Variants in ANKRD35 observed in about 807,000 individuals in gnomAD.
ANKRD35 encodes the protein ankyrin repeat domain-containing protein 35.
In ANKRD35, 102 loss-of-function variants were observed where a neutral mutation model predicts 109.9. The observed-to-expected ratio is 0.93, with a 90% CI of 0.79 to 1.09. The LOEUF is 1.09. ANKRD35 is among the 50% of genes least tolerant of loss of function. The pLI is 0.00. For synonymous variants in ANKRD35, 515 were observed against 512.4 expected, an observed-to-expected ratio of 1.01 and a Z score of -0.07; for missense variants, 1,240 against 1,230.1, an observed-to-expected ratio of 1.01 and a Z score of -0.12.
rs781878029 is a variant in ANKRD35 at position 145,872,158 on chromosome 1, G to A, written c.2611C>T (p.Arg871Trp). 1.2e-6 allele frequency: 2 copies of A among 1,608,780 alleles called. No homozygotes were observed. The highest frequency in any genetic ancestry group is 2.2e-5 in the East Asian group (1 of 44,790). The part of the protein sequence containing the change: ...NTACREVGRL[R>W]EAVAEERRRS... Reference sequence around the variant, plus strand: ...CGGCGCTCCTCGGCCACCGCCTCCCGCAGCCGACCCACTTCCCGGCAGGCC... The same window carrying A: ...CGGCGCTCCTCGGCCACCGCCTCCCACAGCCGACCCACTTCCCGGCAGGCC... The change falls in exon 10 of 14, where the codon CGG (arginine) becomes TGG (tryptophan). Residue 871 changes from arginine to tryptophan, a missense_variant. Physicochemically the swap from Arg to Trp is moderately radical, Grantham distance 101. Transcript: ENST00000355594.
chr1:145,883,802 G>C (rs587747765), intron 1 of ANKRD35, among the ~76,000 whole-genome samples: 1 of 152,356 alleles, frequency 6.6e-6, no homozygotes, highest in Admixed American at 6.5e-5. Context: ...GAAATTTCAT[G>C]AGGAACCAAT....
chr1:145,872,427 G>A lies in ANKRD35; in HGVS notation c.2342C>T (p.Ala781Val). The A allele has an allele frequency of 1.9e-6, 3 of 1,612,586 alleles. No individual in the cohort carries two copies. The highest frequency in any genetic ancestry group is 2.5e-6 in the Non-Finnish European group (3 of 1,179,682). ...CAGCTTCCCCAGGTCTTGCTCCAGAGCGGCCACTTGGGGGGATGCTGGGGC... is the reference window on the plus strand; with the variant it reads ...CAGCTTCCCCAGGTCTTGCTCCAGAACGGCCACTTGGGGGGATGCTGGGGC... The part of the protein sequence containing the change: ...LKAPASPQVA[A>V]LEQDLGKLEE... The change falls in exon 10 of 14, where the codon GCT becomes GTT. Residue 781 changes from alanine to valine, a missense_variant. Transcript: ENST00000355594.
At chr1:145,875,096 A>C in intron 7 of ANKRD35, 90 bp from the exon 8 acceptor site, 745 of 1,310,576 alleles carry the variant, frequency 5.7e-4, no homozygotes, top group Non-Finnish European at 7.2e-4. Context: ...GTAAGCTCTC[A>C]TTCAGTGGGG....
rs1553739014 is a variant in ANKRD35, at chr1:145,872,618, A to G, written c.2151T>C (p.Ser717=). Residue 717 remains serine (S), a synonymous_variant, in exon 10 of 14, where the codon AGT becomes AGC. Transcript: ENST00000355594. The part of the protein sequence containing the change: ...CLPADLVGER[S]AQSKAAESLE... ...GGGACTCCGCTGCTTTGCTTTGTGC[A>G]CTCCTCTCGCCCACTAGGTCTGCGG... 2 of 1,613,418 alleles carry G rather than the reference A, an allele frequency of 1.2e-6. No homozygotes were observed. Among genetic ancestry groups the G allele is most frequent in the Non-Finnish European group, 1.7e-6 (2 of 1,179,810 alleles).
intron 1 of ANKRD35, among the ~76,000 whole-genome samples, chr1:145,885,344 C>T (rs1335457839): frequency 3.3e-5 from 5 of 151,842 alleles, no homozygotes; most frequent in African/African-American, 1.2e-4. Context: ...TAGAATGGAG[C>T]TTGAGGCCAG....
chr1:145,881,650 C>A (rs782126828), intron 1 of ANKRD35, among the ~76,000 whole-genome samples: 5 of 152,262 alleles, frequency 3.3e-5, no homozygotes, highest in Non-Finnish European at 5.9e-5. Context: ...CTGCAGTTCT[C>A]GAAATGTTTC....
At chr1:145,867,831 C>T (rs767570445) in intron 12 of ANKRD35, among the ~76,000 whole-genome samples, 160 bp downstream of exon 12, 5 of 152,138 alleles carry the variant, frequency 3.3e-5, no homozygotes, top group African/African-American at 9.7e-5. Flanking sequence ...CACAACCTCT[C>T]TTGATCTACC....
At chr1:145,877,420 G>C (rs975617426) in intron 4 of ANKRD35, among the ~76,000 whole-genome samples, 1 of 152,046 alleles carries the variant, frequency 6.6e-6, no homozygotes, top group Non-Finnish European at 1.5e-5. Flanking sequence ...TTTTATTAGA[G>C]ATGGGGTTTC....
intron 1 of ANKRD35, among the ~76,000 whole-genome samples, chr1:145,882,690 T>C (rs904542875): frequency 1.3e-5 from 2 of 152,120 alleles, no homozygotes; most frequent in South Asian, 4.1e-4. Flanking sequence ...GGTAGAAACT[T>C]TTCATGGCCA....
At chr1:145,870,067 T>C (rs1553738330) in intron 10 of ANKRD35, among the ~76,000 whole-genome samples, 1 of 151,370 alleles carries the variant, frequency 6.6e-6, no homozygotes, top group East Asian at 2.0e-4. Flanking sequence ...TACTGAGTAC[T>C]TACCATGGGC....
intron 1 of ANKRD35, among the ~76,000 whole-genome samples, chr1:145,879,809 A>G (rs587640185): frequency 6.6e-6 from 1 of 152,076 alleles, no homozygotes; most frequent in Non-Finnish European, 1.5e-5. Context: ...GTTGCCTCTC[A>G]CCACCGCCTC....
At chr1:145,868,436 C>T (rs782383468) in intron 10 of ANKRD35, 36 bp from the exon 11 acceptor site, 1 of 1,589,342 alleles carries the variant, frequency 6.3e-7, no homozygotes, top group Non-Finnish European at 8.6e-7. Flanking sequence ...CAATGAGGCT[C>T]CAAGTCATTT....
chr1:145,875,928 C>T (rs2101711023), intron 7 of ANKRD35, among the ~76,000 whole-genome samples: 1 of 152,262 alleles, frequency 6.6e-6, no homozygotes, highest in South Asian at 2.1e-4. Context: ...GTCGATTCTA[C>T]TTCTGGGGTC....
At position 145,874,180 on chromosome 1, in the gene ANKRD35, A is replaced by G. The variant is rs782671021; in HGVS notation, c.758T>C (p.Val253Ala). ...CTGGGATGCGAGATCTGGGTGCTGG[A>G]CTAGCCTCTGACCTATAAGAAAAGA... is the stretch of plus-strand genomic sequence containing the variant. ...SRRRRGGQRLVQHPDLASQAS... is the reference protein window; with the variant it reads ...SRRRRGGQRLAQHPDLASQAS... The change falls in exon 9 of 14, where the codon GTC becomes GCC. Residue 253 changes from valine (V) to alanine (A), a missense_variant. Physicochemically the swap from Val to Ala is moderately conservative, Grantham distance 64. Coordinates refer to ENST00000355594, the MANE Select transcript of ANKRD35 (RefSeq NM_144698.5). 1.9e-6 allele frequency: 3 copies of G among 1,614,056 alleles called. No individual in the cohort carries two copies. In the South Asian group the frequency reaches 3.3e-5, roughly 18 times the overall value.
At chr1:145,869,152 A>G (rs1308326497) in intron 10 of ANKRD35, among the ~76,000 whole-genome samples, 4 of 149,840 alleles carry the variant, frequency 2.7e-5, no homozygotes, top group African/African-American at 9.9e-5. Context: ...GAGGAACAAT[A>G]CTTCTCTGAA....
At chr1:145,874,791 G>C (rs1553739715) in intron 8 of ANKRD35, 31 bp downstream of exon 8, 3 of 1,529,300 alleles carry the variant, frequency 2.0e-6, no homozygotes, top group Non-Finnish European at 2.6e-6. Flanking sequence ...CTGATTCTTA[G>C]AGAACGTGGA....
At chr1:145,875,798 TTG>T (rs1654048493) in intron 7 of ANKRD35, among the ~76,000 whole-genome samples, 2 of 151,710 alleles carry the variant, frequency 1.3e-5, no homozygotes, top group African/African-American at 2.4e-5. Flanking sequence ...TCCACCCGCC[TTG>T]GCCTCCCAAA....
At chr1:145,878,083 A>T in intron 3 of ANKRD35, 51 bp from the exon 4 acceptor site, 1 of 1,526,792 alleles carries the variant, frequency 6.5e-7, no homozygotes, top group African/African-American at 1.4e-5. Context: ...ATGCATGCTG[A>T]TGACTCACAG....
At chr1:145,870,601 A>G (rs1653772399) in intron 10 of ANKRD35, among the ~76,000 whole-genome samples, 1 of 152,152 alleles carries the variant, frequency 6.6e-6, no homozygotes, top group African/African-American at 2.4e-5. Flanking sequence ...CCTTCAATGC[A>G]ACATAAAAAT....
Sources: allele counts gnomAD v4.1 joint callset (sites outside exome capture counted in the v4.1 genomes callset), GRCh38; gene constraint gnomAD v4.1.1; transcripts MANE v1.5; gene names NCBI Gene and HGNC (gene_info 2026-07-23, HGNC 2026-07-21).